The following FYB1 variants were observed in gnomAD, a reference collection of about 807,000 sequenced individuals.
FYB1 encodes the protein FYN-binding protein 1.
Under a neutral mutation model 94.1 loss-of-function variants are expected in FYB1, and 41 were observed. The ratio of observed to expected loss-of-function variants is 0.44; its 90% confidence interval spans 0.34 to 0.57. The LOEUF (loss-of-function observed/expected upper bound fraction) is 0.57. Ranked by LOEUF, FYB1 falls within the 20% of genes least tolerant of loss-of-function variation. The probability of loss-of-function intolerance (pLI) is 0.02; values close to 1 mark genes in which losing one functional copy is unlikely to be tolerated. For missense variants in FYB1, 1,050 were observed against 976.8 expected (o/e 1.07, Z -1.00); for synonymous variants, 367 against 353.2 (o/e 1.04, Z -0.44).
chr5:39,268,711 A>C (rs1752540010), intron 1 of FYB1, among the ~76,000 whole-genome samples: 1 of 152,020 alleles, frequency 6.6e-6, no homozygotes, highest in Non-Finnish European at 1.5e-5. Context: ...GGTTACAGGC[A>C]TGCGCCACCA....
At chr5:39,267,168 G>T (rs1231981386) in intron 1 of FYB1, among the ~76,000 whole-genome samples, 1 of 152,142 alleles carries the variant, frequency 6.6e-6, no homozygotes, top group East Asian at 1.9e-4. Context: ...GTATGTCAGG[G>T]CTTAGCAATG....
intron 1 of FYB1, among the ~76,000 whole-genome samples, chr5:39,250,102 T>C (rs835195): frequency 0.021 from 3,157 of 152,262 alleles, 130 homozygotes; most frequent in African/African-American, 0.072. Context: ...TTTACCATGA[T>C]TGTAAATTTC....
At chr5:39,246,491 C>T (rs1751483527) in intron 1 of FYB1, among the ~76,000 whole-genome samples, 1 of 152,156 alleles carries the variant, frequency 6.6e-6, no homozygotes. Context: ...CCTAAATGTT[C>T]TTAGCTTCTA....
At chr5:39,184,295 T>G (rs1746542546) in intron 2 of FYB1, among the ~76,000 whole-genome samples, 1 of 152,194 alleles carries the variant, frequency 6.6e-6, no homozygotes, top group Non-Finnish European at 1.5e-5. Context: ...AAGAACAATA[T>G]CTTAAGACAA....
Position 39,134,894 on chromosome 5 carries a change from G to T in FYB1, c.1636C>A (p.Pro546Thr), listed in dbSNP as rs1741529601. Residue 546 changes from proline to threonine, a missense_variant, in exon 8 of 19, where the codon CCA becomes ACA. Physicochemically the swap from Pro to Thr is conservative, Grantham distance 38 (BLOSUM62 -1). Coordinates refer to ENST00000512982, the MANE Select transcript of FYB1 (RefSeq NM_001465.6). ...GTTCTGCCCAACCATTTTCCTTCTG[G>T]GTTGTCTGTGATGCGGATGATTTCA... ...QIEIIRITDN[P>T]EGKWLGRTAR... 6.2e-7 allele frequency: 1 copy of T among 1,613,816 alleles called. No homozygotes were observed. The highest frequency in any genetic ancestry group is 8.5e-7 in the Non-Finnish European group (1 of 1,179,854).
intron 2 of FYB1, among the ~76,000 whole-genome samples, chr5:39,179,935 T>A (rs2150419926): frequency 6.6e-6 from 1 of 152,270 alleles, no homozygotes; most frequent in Non-Finnish European, 1.5e-5. Context: ...CAGTAGGAAG[T>A]CTTCCCTATC....
rs146237708 is a variant in FYB1, at chr5:39,195,770, A to G, written c.1135+6056T>C. On this transcript the variant is annotated intron_variant, in intron 2 of 18. Coordinates refer to ENST00000512982, the MANE Select transcript of FYB1 (RefSeq NM_001465.6). ...ATGCAAACCAATAGTCAGGCCAGGG[A>G]TTCTTATGAACCCAAACTTTGGTGA... Among the ~76,000 whole-genome samples, 780 of 152,338 alleles carry G rather than the reference A, an allele frequency of 5.1e-3. 18 individuals carry two copies. Among genetic ancestry groups the G allele is most frequent in the Admixed American group, 0.044 (679 of 15,298 alleles).
chr5:39,225,525 G>A (rs1561289679), intron 1 of FYB1, among the ~76,000 whole-genome samples: 2 of 152,132 alleles, frequency 1.3e-5, no homozygotes, highest in Admixed American at 1.3e-4. Flanking sequence ...TGCTGCTGGG[G>A]TGGAGCTTTC....
chr5:39,173,998 A>G (rs1227437469), intron 2 of FYB1, among the ~76,000 whole-genome samples: 1 of 152,144 alleles, frequency 6.6e-6, no homozygotes, highest in Admixed American at 6.6e-5. Context: ...TGGCATTTTG[A>G]TAGTGATAGC....
intron 16 of FYB1, among the ~76,000 whole-genome samples, chr5:39,112,846 C>A (rs976493533): frequency 6.6e-6 from 1 of 152,068 alleles, no homozygotes; most frequent in South Asian, 2.1e-4. Context: ...CTGTGTTGAA[C>A]ACTTTGTTGC....
intron 2 of FYB1, among the ~76,000 whole-genome samples, chr5:39,162,094 C>T (rs140231658): frequency 1.1e-3 from 166 of 152,202 alleles, no homozygotes; most frequent in African/African-American, 3.9e-3. Flanking sequence ...AGTTGATGAA[C>T]ATTTAAGTTG....
chr5:39,135,258 G>A (rs1465912130), intron 7 of FYB1, among the ~76,000 whole-genome samples: 7 of 152,194 alleles, frequency 4.6e-5, no homozygotes, highest in African/African-American at 9.7e-5. Flanking sequence ...GAGTGAGGCA[G>A]GGATCTGTTG....
intron 2 of FYB1, among the ~76,000 whole-genome samples, chr5:39,153,954 TG>T (rs1291257389): frequency 6.6e-6 from 1 of 151,990 alleles, no homozygotes; most frequent in East Asian, 1.9e-4. Context: ...TTTTTTAAAA[TG>T]TTATACTTTT....
At chr5:39,185,183 G>A (rs1746633595) in intron 2 of FYB1, among the ~76,000 whole-genome samples, 1 of 152,118 alleles carries the variant, frequency 6.6e-6, no homozygotes, top group Non-Finnish European at 1.5e-5. Context: ...GAATTGAGAA[G>A]CCCAGATAAA....
intron 10 of FYB1, 149 bp downstream of exon 10, chr5:39,130,441 A>G: frequency 1.6e-6 from 1 of 639,690 alleles, no homozygotes; most frequent in Non-Finnish European, 2.8e-6. Flanking sequence ...CATAAAAATG[A>G]TAAATGCTCA....
At chr5:39,110,520 A>G (rs1375822209) in intron 16 of FYB1, 131 bp from the exon 17 acceptor site, 6 of 503,622 alleles carry the variant, frequency 1.2e-5, no homozygotes, top group African/African-American at 4.0e-5. Context: ...TCTGGAAATG[A>G]CCCATTTTTC....
At chr5:39,159,816 C>A (rs1744087807) in intron 2 of FYB1, among the ~76,000 whole-genome samples, 1 of 152,216 alleles carries the variant, frequency 6.6e-6, no homozygotes, top group South Asian at 2.1e-4. Flanking sequence ...TCCTTCATTG[C>A]ATCAAGCAAG....
At chr5:39,180,401 C>G (rs1018740354) in intron 2 of FYB1, among the ~76,000 whole-genome samples, 1 of 152,172 alleles carries the variant, frequency 6.6e-6, no homozygotes, top group African/African-American at 2.4e-5. Flanking sequence ...TATTCTTTTT[C>G]CATTCCTCCC....
intron 2 of FYB1, among the ~76,000 whole-genome samples, chr5:39,162,161 G>A (rs1012580367): frequency 3.3e-5 from 5 of 152,084 alleles, no homozygotes; most frequent in African/African-American, 1.2e-4. Flanking sequence ...GTATGTCTTC[G>A]TGTGGACCTA....
Sources: gnomAD v4.1 joint callset for allele counts (sites outside exome capture counted in the v4.1 genomes callset) on GRCh38, gnomAD v4.1.1 for gene constraint, MANE v1.5 for transcripts, NCBI Gene and HGNC (gene_info 2026-07-23, HGNC 2026-07-21) for gene names.